ARHGAP10: variants seen among roughly 807,000 people sequenced by gnomAD.
ARHGAP10 encodes Rho GTPase activating protein 10, also known as rho GTPase-activating protein 10.
ARHGAP10 carries 87 observed loss-of-function variants against 108.6 expected under a neutral mutation model. That is an observed-to-expected ratio of 0.80 (90% confidence interval 0.67 to 0.96). The LOEUF is 0.96. Ranked by LOEUF, ARHGAP10 falls within the 40% of genes least tolerant of loss-of-function variation. ARHGAP10 has a pLI of 0.00. For missense variants in ARHGAP10, 939 were observed against 954.5 expected (o/e 0.98, Z 0.21); for synonymous variants, 347 against 341.1 (o/e 1.02, Z -0.19).
intron 15 of ARHGAP10, among the ~76,000 whole-genome samples, chr4:147,953,156 T>C: frequency 6.6e-6 from 1 of 152,002 alleles, no homozygotes; most frequent in Admixed American, 6.6e-5. Context: ...TCTTGTGGAA[T>C]TTGATTTAGT....
intron 18 of ARHGAP10, among the ~76,000 whole-genome samples, chr4:147,981,170 T>A (rs1739793708): frequency 6.6e-6 from 1 of 152,238 alleles, no homozygotes; most frequent in Admixed American, 6.5e-5. Context: ...TAATTTGAGA[T>A]CTTTCCACTT....
At position 147,945,139 on chromosome 4, in the gene ARHGAP10, G is replaced by T. The variant is rs949161019; in HGVS notation, c.1304-1478G>T. 4.6e-5 allele frequency among the ~76,000 whole-genome samples: 7 copies of T among 152,140 alleles called. No individual in the cohort carries two copies. The East Asian group carries it at 1.2e-3, about 25-fold the overall frequency. ...TACCCATGCTGCATTCCTCCCTGCC[G>T]CCATGCCACAGCTGAGTGTACCAGC... On this transcript the variant is annotated intron_variant, in intron 14 of 22. Transcript: ENST00000336498.
chr4:147,845,826 C>T (rs1050662468), intron 3 of ARHGAP10, among the ~76,000 whole-genome samples: 29 of 152,152 alleles, frequency 1.9e-4, no homozygotes, highest in African/African-American at 6.8e-4. Flanking sequence ...CGTATGCTAG[C>T]ACTTCTTGTA....
At position 147,866,803 on chromosome 4, in the gene ARHGAP10, T is replaced by A. The variant is rs771467245; in HGVS notation, c.689T>A (p.Ile230Asn). ...AATCACTACAAAATGGAACTACAGA[T>A]CAACATTCAGAATGTAAGGAAGTGA... Reference protein sequence around the residue: ...DFNHYKMELQINIQNTRNRFE... With the variant: ...DFNHYKMELQNNIQNTRNRFE... Residue 230 changes from isoleucine (I) to asparagine (N), a missense_variant, in exon 7 of 23, where the codon ATC (isoleucine) becomes AAC (asparagine). Ile to Asn is a moderately radical substitution (Grantham distance 149). Transcript: ENST00000336498. 1.9e-6 allele frequency: 3 copies of A among 1,608,030 alleles called. No individual in the cohort carries two copies. Among genetic ancestry groups the A allele is most frequent in the East Asian group, 4.5e-5 (2 of 44,830 alleles).
At chr4:147,750,844 G>A (rs1167624733) in intron 1 of ARHGAP10, among the ~76,000 whole-genome samples, 1 of 151,868 alleles carries the variant, frequency 6.6e-6, no homozygotes, top group African/African-American at 2.4e-5. Context: ...CTCGTGATCC[G>A]CCTGCCTCAG....
chr4:148,042,571 G>T (rs994517477), intron 19 of ARHGAP10, among the ~76,000 whole-genome samples: 1 of 152,094 alleles, frequency 6.6e-6, no homozygotes, highest in Non-Finnish European at 1.5e-5. Context: ...TCCTGTTGCT[G>T]CACTCCCACC....
intron 20 of ARHGAP10, among the ~76,000 whole-genome samples, chr4:148,047,820 CT>C (rs905827266): frequency 5.9e-4 from 89 of 151,512 alleles, no homozygotes; most frequent in Middle Eastern, 3.4e-3. Context: ...TCCAGAGAAT[CT>C]TTTTTTTTCT....
intron 1 of ARHGAP10, among the ~76,000 whole-genome samples, chr4:147,807,695 T>C (rs904787319): frequency 6.6e-6 from 1 of 152,196 alleles, no homozygotes; most frequent in Admixed American, 6.5e-5. Flanking sequence ...AAAGACTGTA[T>C]ATCAATGGCA....
intron 9 of ARHGAP10, among the ~76,000 whole-genome samples, chr4:147,880,995 C>A (rs1735305743): frequency 6.6e-6 from 1 of 152,154 alleles, no homozygotes. Context: ...AACATTTGGC[C>A]AGGGACACTG....
chr4:148,041,071 C>T (rs1728614976), intron 19 of ARHGAP10, among the ~76,000 whole-genome samples: 1 of 152,228 alleles, frequency 6.6e-6, no homozygotes, highest in Admixed American at 6.5e-5. Context: ...TAGCCAAATG[C>T]ATGACTGTGA....
intron 20 of ARHGAP10, among the ~76,000 whole-genome samples, chr4:148,050,080 T>A (rs141611430): frequency 0.012 from 1,807 of 152,288 alleles, 45 homozygotes; most frequent in African/African-American, 0.04. Context: ...TTGGTGAGGC[T>A]GGTTTCAAAC....
At chr4:147,818,304 G>A (rs909784435) in intron 1 of ARHGAP10, among the ~76,000 whole-genome samples, 3 of 151,976 alleles carry the variant, frequency 2.0e-5, no homozygotes, top group Admixed American at 6.6e-5. Context: ...GGTGGCTCAC[G>A]CTTGTAATCC....
At chr4:148,030,322 A>G (rs903463992) in intron 19 of ARHGAP10, among the ~76,000 whole-genome samples, 4 of 152,126 alleles carry the variant, frequency 2.6e-5, no homozygotes, top group African/African-American at 7.2e-5. Flanking sequence ...CACTCTCTTT[A>G]TAGCCCCCTT....
chr4:147,966,733 T>C lies in ARHGAP10; in HGVS notation c.1610T>C (p.Val537Ala), dbSNP rs779107706. The C allele has an allele frequency of 1.9e-5, 31 of 1,599,768 alleles. No homozygotes were observed. The highest frequency in any genetic ancestry group is 2.6e-5 in the Non-Finnish European group (31 of 1,170,404). The change falls in exon 18 of 23, where the codon GTG becomes GCG. Residue 537 changes from valine to alanine, a missense_variant. Val to Ala is a moderately conservative substitution (Grantham distance 64). Coordinates refer to ENST00000336498, the MANE Select transcript of ARHGAP10 (RefSeq NM_024605.4). ...NLMTVANLGV[V>A]FGPTLMRPQE... The stretch of plus-strand genomic sequence containing the variant: ...ATGACTGTGGCAAACTTAGGAGTGG[T>C]GTTTGGACCAACTCTGATGAGGCCA...
At chr4:147,932,057 GA>G (rs1411813045) in intron 13 of ARHGAP10, among the ~76,000 whole-genome samples, 2 of 151,708 alleles carry the variant, frequency 1.3e-5, no homozygotes, top group African/African-American at 4.8e-5. Flanking sequence ...ACAAACATAT[GA>G]AAAAAAAGTT....
chr4:148,033,330 C>T (rs188002702), intron 19 of ARHGAP10, among the ~76,000 whole-genome samples: 86 of 152,294 alleles, frequency 5.6e-4, no homozygotes, highest in Admixed American at 5.5e-3. Flanking sequence ...GGCTTCCAGC[C>T]ATCCTGGGAT....
At chr4:147,801,559 A>C (rs1731582656) in intron 1 of ARHGAP10, among the ~76,000 whole-genome samples, 1 of 152,256 alleles carries the variant, frequency 6.6e-6, no homozygotes, top group Admixed American at 6.5e-5. Flanking sequence ...AAAGTGTAAA[A>C]TAACATACCG....
intron 10 of ARHGAP10, among the ~76,000 whole-genome samples, chr4:147,896,331 A>C (rs1735992736): frequency 6.6e-6 from 1 of 152,090 alleles, no homozygotes; most frequent in African/African-American, 2.4e-5. Flanking sequence ...CTTTGCCTAG[A>C]GTTTTCTTGG....
At chr4:147,902,697 C>T (rs1264604943) in intron 10 of ARHGAP10, among the ~76,000 whole-genome samples, 1 of 152,024 alleles carries the variant, frequency 6.6e-6, no homozygotes, top group East Asian at 1.9e-4. Context: ...GCCGAGACTG[C>T]ACCACTGCAC....
Sources: gnomAD v4.1 joint callset for allele counts (sites outside exome capture counted in the v4.1 genomes callset) on GRCh38, gnomAD v4.1.1 for gene constraint, MANE v1.5 for transcripts, NCBI Gene and HGNC (gene_info 2026-07-23, HGNC 2026-07-21) for gene names.